The following SARM1 variants were observed in gnomAD, a reference collection of about 807,000 sequenced individuals.
SARM1 encodes sterile alpha and TIR motif containing 1.
SARM1 carries 60 observed loss-of-function variants against 65.1 expected under a neutral mutation model. The observed-to-expected ratio is 0.92, with a 90% CI of 0.75 to 1.14. SARM1 has a LOEUF of 1.14. Among genes scored for constraint, SARM1 ranks in the 50% most tolerant of loss-of-function variants. SARM1 has a pLI of 0.00. For synonymous variants in SARM1, 417 were observed against 465.4 expected, an observed-to-expected ratio of 0.90 and a Z score of 1.34; for missense variants, 913 against 1,015.7, an observed-to-expected ratio of 0.90 and a Z score of 1.37.
chr17:28,372,617 C>A lies in SARM1; in HGVS notation c.470+115C>A. 2 of 731,370 alleles carry A rather than the reference C, an allele frequency of 2.7e-6. No individual in the cohort carries two copies. The highest frequency in any genetic ancestry group is 4.3e-6 in the Non-Finnish European group (2 of 470,018). The allele number at this position is 731,370 out of a possible 1,614,324, so 45.3% of individuals were successfully genotyped here. A position where few individuals can be genotyped will look rare whatever the true frequency, so the allele number is the denominator to read the frequency against. On this transcript the variant is annotated intron_variant, in intron 1 of 8. Coordinates refer to ENST00000585482, the MANE Select transcript of SARM1 (RefSeq NM_015077.4). This position sits in a 1 kb window ranked among gnomAD's most constrained non-coding sequence, Gnocchi z 5.2. The stretch of plus-strand genomic sequence containing the variant: ...CCTCCCTCACCTCTCTGACTGCCTG[C>A]ACTACATCTCTGTTAGGGGTCAGCC...
At chr17:28,382,839 A>G (rs1555585482) in intron 2 of SARM1, among the ~76,000 whole-genome samples, 1 of 268 alleles carries the variant, frequency 3.7e-3, no homozygotes, top group African/African-American at 0.012. Context: ...AGCACGCACC[A>G]CAATCCCCCA....
chr17:28,392,792 G>A (rs1244978072), intron 7 of SARM1, among the ~76,000 whole-genome samples: 1 of 152,098 alleles, frequency 6.6e-6, no homozygotes, highest in Non-Finnish European at 1.5e-5. Flanking sequence ...AGAATGCTTG[G>A]CACCCCTTGT....
Position 28,397,432 on chromosome 17 carries a change from C to G in SARM1, c.*1146C>G, listed in dbSNP as rs147076381. 2 of 152,300 alleles carry G rather than the reference C, an allele frequency of 1.3e-5. No homozygotes were observed. Among genetic ancestry groups the G allele is most frequent in the African/African-American group, 4.8e-5 (2 of 41,544 alleles). The allele number at this position is 152,300 out of a possible 1,614,324, so 9.4% of individuals were successfully genotyped here. A position where few individuals can be genotyped will look rare whatever the true frequency, so the allele number is the denominator to read the frequency against. On this transcript the variant is annotated 3_prime_UTR_variant, in exon 9 of 9. Coordinates refer to ENST00000585482, the MANE Select transcript of SARM1 (RefSeq NM_015077.4). ...AATCTTTGCCATTTCCCAAACACTC[C>G]GCTCCATGGTCTCCAGTCATCAGAG...
Position 28,374,837 on chromosome 17 carries a change from C to T in SARM1, c.470+2335C>T, listed in dbSNP as rs1555584450. Among the ~76,000 whole-genome samples the T allele has an allele frequency of 2.6e-5, 4 of 151,626 alleles. 1 individual carries two copies. Among genetic ancestry groups the T allele is most frequent in the Middle Eastern group, 6.8e-3 (2 of 294 alleles). The stretch of plus-strand genomic sequence containing the variant: ...ACAAAAAATATACAGATTAGCCGGG[C>T]GTGATGGCATGCACAGTCCCAGCTA... On this transcript the variant is annotated intron_variant, in intron 1 of 8. Transcript: ENST00000585482.
In SARM1 at chr17:28,381,800, G is replaced by T; in HGVS notation, c.1068G>T (p.Lys356Asn). The T allele has an allele frequency of 6.9e-7, 1 of 1,452,592 alleles. No individual in the cohort carries two copies. The allele number at this position is 1,452,592 out of a possible 1,614,324, so 90.0% of individuals were successfully genotyped here. A position where few individuals can be genotyped will look rare whatever the true frequency, so the allele number is the denominator to read the frequency against. The change falls in exon 2 of 9, where the codon AAG (lysine) becomes AAT (asparagine). Residue 356 changes from lysine to asparagine, a missense_variant. Around this residue, in one of 3 missense-constraint regions of SARM1, gnomAD observed 862 missense variants for 952.1 expected, o/e 0.91. Coordinates refer to ENST00000585482, the MANE Select transcript of SARM1 (RefSeq NM_015077.4). ...ACCTCTGCGCCGAGGCTGCCATCAA[G>T]AGCCTGCAAGGCAAGACCAAGGTGG... Reference protein sequence around the residue: ...AFYLCAEAAIKSLQGKTKVFS... With the variant: ...AFYLCAEAAINSLQGKTKVFS...
intron 1 of SARM1, among the ~76,000 whole-genome samples, chr17:28,380,018 A>G (rs1042334785): frequency 3.8e-5 from 5 of 132,736 alleles, no homozygotes; most frequent in African/African-American, 8.5e-5. Flanking sequence ...ATTTGCTGAT[A>G]TATTCTACAT....
Position 28,384,632 on chromosome 17 carries a change from G to C in SARM1, c.1302+63G>C, listed in dbSNP as rs546244688. 8 of 1,444,058 alleles carry C rather than the reference G, an allele frequency of 5.5e-6. No homozygotes were observed. Among genetic ancestry groups the C allele is most frequent in the East Asian group, 2.5e-5 (1 of 40,248 alleles). 89.5% of individuals were successfully genotyped at this position (1,444,058 alleles called of 1,614,324 possible). A position where few individuals can be genotyped will look rare whatever the true frequency, so the allele number is the denominator to read the frequency against. Reference sequence around the variant, plus strand: ...CGGGCGCCCTGTGCACAGGGACTGCGTTCCCTCCCCGCCTCGCAATCCCGC... The same window carrying C: ...CGGGCGCCCTGTGCACAGGGACTGCCTTCCCTCCCCGCCTCGCAATCCCGC... On this transcript the variant is annotated intron_variant, in intron 3 of 8. Coordinates refer to ENST00000585482, the MANE Select transcript of SARM1 (RefSeq NM_015077.4). This position sits in a 1 kb window ranked among gnomAD's most constrained non-coding sequence, Gnocchi z 4.4.
In SARM1 at chr17:28,399,591, G is replaced by T; in HGVS notation, c.*3305G>T. 6.4e-7 allele frequency: 1 copy of T among 1,552,496 alleles called. No individual in the cohort carries two copies. Among genetic ancestry groups the T allele is most frequent in the Non-Finnish European group, 8.9e-7 (1 of 1,125,374 alleles). ...CCTGCTGTGGGCTGGGCTTCCAGCT[G>T]CAGACCTCCAGTTGCTTGGTGTTCA... On this transcript the variant is annotated 3_prime_UTR_variant, in exon 9 of 9. Transcript: ENST00000585482.
chr17:28,400,498 C>T lies in SARM1; in HGVS notation c.*4212C>T. Reference sequence around the variant, plus strand: ...AGAGGGGCAACCTGGGACAAGACACCCAGAGGGTAAGGATTCCAGGAATGA... The same window carrying T: ...AGAGGGGCAACCTGGGACAAGACACTCAGAGGGTAAGGATTCCAGGAATGA... On this transcript the variant is annotated 3_prime_UTR_variant, in exon 9 of 9. Coordinates refer to ENST00000585482, the MANE Select transcript of SARM1 (RefSeq NM_015077.4). The T allele has an allele frequency of 1.4e-6, 2 of 1,440,052 alleles. No homozygotes were observed. The highest frequency in any genetic ancestry group is 1.3e-5 in the South Asian group (1 of 75,044). 89.2% of individuals were successfully genotyped at this position (1,440,052 alleles called of 1,614,324 possible). A position where few individuals can be genotyped will look rare whatever the true frequency, so the allele number is the denominator to read the frequency against.
chr17:28,388,056 C>A, intron 5 of SARM1, 118 bp from the exon 6 acceptor site: 1 of 804,950 alleles, frequency 1.2e-6, no homozygotes, highest in Non-Finnish European at 2.0e-6. Flanking sequence ...GGCCACCCTC[C>A]CCAGGCTGGG....
chr17:28,401,505 T>A lies in SARM1; in HGVS notation c.*5219T>A, dbSNP rs1442362147. On this transcript the variant is annotated 3_prime_UTR_variant, in exon 9 of 9. Coordinates refer to ENST00000585482, the MANE Select transcript of SARM1 (RefSeq NM_015077.4). ...TCATTCCAGGACAGATGGAAAAAGA[T>A]GAATGTTTCCAGACTGGGGCATAAA... 1.3e-5 allele frequency: 2 copies of A among 152,364 alleles called. No homozygotes were observed. Among genetic ancestry groups the A allele is most frequent in the Non-Finnish European group, 2.9e-5 (2 of 68,186 alleles). 9.4% of individuals were successfully genotyped at this position (152,364 alleles called of 1,614,324 possible).
At chr17:28,376,689 C>G (rs1453204001) in intron 1 of SARM1, among the ~76,000 whole-genome samples, 1 of 152,194 alleles carries the variant, frequency 6.6e-6, no homozygotes, top group Non-Finnish European at 1.5e-5. Context: ...AGGCTGGTCT[C>G]AAACTCCTGG....
At chr17:28,376,268 G>A (rs553329481) in intron 1 of SARM1, among the ~76,000 whole-genome samples, 30 of 152,176 alleles carry the variant, frequency 2.0e-4, no homozygotes, top group African/African-American at 6.7e-4. Flanking sequence ...GAAAATGAGA[G>A]TGTTGGCTGG....
rs1555587232 is a variant in SARM1 at position 28,393,685 on chromosome 17, G to A, written c.1924-2220G>A. 2.0e-5 allele frequency among the ~76,000 whole-genome samples: 3 copies of A among 152,308 alleles called. No individual in the cohort carries two copies. In the South Asian group the frequency reaches 6.2e-4, roughly 32 times the overall value. ...AACCCCGATTTGATGATTCCAGAGT[G>A]CAGCCCTAACTGCTGTGCTATGTTT... On this transcript the variant is annotated intron_variant, in intron 7 of 8. Transcript: ENST00000585482.
chr17:28,391,707 CAAAAAAAAAAA>C (rs1206857097), intron 7 of SARM1, among the ~76,000 whole-genome samples: 1 of 56,808 alleles, frequency 1.8e-5, no homozygotes, highest in Non-Finnish European at 3.6e-5. Context: ...GCAATTGCAC[CAAAAAAAAAAA>C]AAAAAAAAAA....
In SARM1 at chr17:28,392,153, G is replaced by A. The variant is rs142801118; in HGVS notation, c.1923+3614G>A. 4.4e-3 allele frequency among the ~76,000 whole-genome samples: 663 copies of A among 151,392 alleles called. 8 individuals are homozygous for A. The highest frequency in any genetic ancestry group is 0.015 in the African/African-American group (636 of 41,246). ...AGGCACAGTCTTGCTCTATCACCAG[G>A]TTGGAGTGCAGTGGTGAGATCTTGG... On this transcript the variant is annotated intron_variant, in intron 7 of 8. Coordinates refer to ENST00000585482, the MANE Select transcript of SARM1 (RefSeq NM_015077.4).
At chr17:28,389,611 C>T (rs1458408381) in intron 7 of SARM1, among the ~76,000 whole-genome samples, 1 of 152,126 alleles carries the variant, frequency 6.6e-6, no homozygotes, top group Non-Finnish European at 1.5e-5. Flanking sequence ...GAGGGCTGGG[C>T]ACAGTGGTTC....
At position 28,400,398 on chromosome 17, in the gene SARM1, G is replaced by A; in HGVS notation, c.*4112G>A. The A allele has an allele frequency of 1.7e-6, 1 of 582,520 alleles. No homozygotes were observed. Among genetic ancestry groups the A allele is most frequent in the Non-Finnish European group, 3.0e-6 (1 of 332,880 alleles). 36.1% of individuals were successfully genotyped at this position (582,520 alleles called of 1,614,324 possible). On this transcript the variant is annotated 3_prime_UTR_variant, in exon 9 of 9. Coordinates refer to ENST00000585482, the MANE Select transcript of SARM1 (RefSeq NM_015077.4). ...CCTTGCCAAGCAGCAATGTTAGCCT[G>A]ATCCTTCCTCCACCTAGCTCGCCAT...
intron 5 of SARM1, among the ~76,000 whole-genome samples, chr17:28,387,394 G>T (rs1555586185): frequency 6.6e-6 from 1 of 151,852 alleles, no homozygotes; most frequent in African/African-American, 2.4e-5. Flanking sequence ...ACCATGCCTG[G>T]ATAATTTTTT....
Sources: gnomAD v4.1 joint callset for allele counts (sites outside exome capture counted in the v4.1 genomes callset) on GRCh38, gnomAD v4.1.1 for gene constraint, gnomAD v4.1.1 regional missense constraint, Gnocchi (gnomAD v3.1) non-coding constraint, MANE v1.5 for transcripts, NCBI Gene and HGNC (gene_info 2026-07-23, HGNC 2026-07-21) for gene names.